Variants in CPXM2 observed in about 807,000 individuals in gnomAD.
CPXM2 encodes carboxypeptidase X, M14 family member 2.
In CPXM2, 66 loss-of-function variants were observed where a neutral mutation model predicts 86.1. The ratio of observed to expected loss-of-function variants is 0.77; its 90% CI spans 0.63 to 0.94. The LOEUF is 0.94. CPXM2 is among the 40% of genes least tolerant of loss of function. The probability of loss-of-function intolerance (pLI) is 0.00; values close to 1 mark genes in which losing one functional copy is unlikely to be tolerated. For synonymous variants in CPXM2, 388 were observed against 400.2 expected, an observed-to-expected ratio of 0.97 and a Z score of 0.36; for missense variants, 948 against 1,026.3, an observed-to-expected ratio of 0.92 and a Z score of 1.04.
intron 2 of CPXM2, among the ~76,000 whole-genome samples, chr10:123,899,034 G>A (rs972936352): frequency 1.3e-4 from 20 of 152,182 alleles, no homozygotes; most frequent in African/African-American, 4.1e-4. Context: ...ACAGGCACCC[G>A]CCACCGCACC....
chr10:123,780,118 T>C (rs1345842811), intron 7 of CPXM2, 49 bp downstream of exon 7: 2 of 1,203,288 alleles, frequency 1.7e-6, no homozygotes, highest in Non-Finnish European at 2.5e-6. Flanking sequence ...CATAATATGT[T>C]GCTTTTTTGA....
At chr10:123,781,255 C>T (rs1448549887) in intron 6 of CPXM2, among the ~76,000 whole-genome samples, 1 of 152,216 alleles carries the variant, frequency 6.6e-6, no homozygotes, top group Non-Finnish European at 1.5e-5. Flanking sequence ...GTCAGGGAGG[C>T]AATGTCTGCT....
At chr10:123,897,011 T>C (rs941507443) in intron 2 of CPXM2, among the ~76,000 whole-genome samples, 3 of 151,288 alleles carry the variant, frequency 2.0e-5, no homozygotes, top group African/African-American at 4.9e-5. Context: ...GATAGGAAGG[T>C]GAGGAGAAAG....
At chr10:123,801,280 C>G (rs1217568615) in intron 4 of CPXM2, among the ~76,000 whole-genome samples, 1 of 152,238 alleles carries the variant, frequency 6.6e-6, no homozygotes, top group Non-Finnish European at 1.5e-5. Context: ...TGCACACGCT[C>G]TCTTGCCTGC....
chr10:123,941,574 C>A (rs889641891), upstream of CPXM2, among the ~76,000 whole-genome samples: 2 of 152,216 alleles, frequency 1.3e-5, no homozygotes, highest in African/African-American at 4.8e-5. Flanking sequence ...AGGTTAGGAT[C>A]GCAACATACA....
At chr10:123,842,547 A>T in intron 3 of CPXM2, 59 bp from the exon 4 acceptor site, 2 of 1,554,498 alleles carry the variant, frequency 1.3e-6, no homozygotes, top group Non-Finnish European at 1.8e-6. Context: ...AAATTAAGAC[A>T]TATCTTTTCC....
At position 123,865,891 on chromosome 10, in the gene CPXM2, A is replaced by G. The variant is rs1848966415; in HGVS notation, c.404-3168T>C. Among the ~76,000 whole-genome samples the G allele has an allele frequency of 6.6e-6, 1 of 151,774 alleles. No homozygotes were observed. The highest frequency in any genetic ancestry group is 2.4e-5 in the African/African-American group (1 of 41,310). On this transcript the variant is annotated intron_variant, in intron 2 of 13. Coordinates refer to ENST00000241305, the MANE Select transcript of CPXM2 (RefSeq NM_198148.3). This position sits in a 1 kb window ranked among gnomAD's most constrained non-coding sequence, Gnocchi z 4.7. ...GGGATTTTTGCTCCTGACTCCATTCATTCACAGTGGCCCTGGTCACTTTGT... is the reference window on the plus strand; with the variant it reads ...GGGATTTTTGCTCCTGACTCCATTCGTTCACAGTGGCCCTGGTCACTTTGT...
rs148889875 is a variant in CPXM2, at chr10:123,746,878, G to A, written c.2157C>T (p.Ser719=). ...CTCGGATCCTGGCCATGTTGGTTTTGCTAAGTGTGAAGTCACACCTTGTGG... is the reference window on the plus strand; with the variant it reads ...CTCGGATCCTGGCCATGTTGGTTTTACTAAGTGTGAAGTCACACCTTGTGG... ...MGATRCDFTL[S]KTNMARIREI... Residue 719 remains serine, a synonymous_variant, in exon 14 of 14, where the codon AGC becomes AGT. Transcript: ENST00000241305. The A allele has an allele frequency of 4.3e-6, 7 of 1,614,126 alleles. No homozygotes were observed. In the South Asian group the frequency reaches 7.7e-5, roughly 18 times the overall value.
intron 2 of CPXM2, among the ~76,000 whole-genome samples, chr10:123,929,511 G>A (rs908535418): frequency 1.3e-5 from 2 of 152,222 alleles, no homozygotes; most frequent in South Asian, 2.1e-4. Flanking sequence ...ACAAGGCTAG[G>A]AGGAGGAAAG....
chr10:123,874,458 G>A (rs1944947906), intron 2 of CPXM2, among the ~76,000 whole-genome samples: 1 of 151,952 alleles, frequency 6.6e-6, no homozygotes, highest in South Asian at 2.1e-4. Context: ...ACATTCTGTG[G>A]GGACATGATC....
intron 2 of CPXM2, among the ~76,000 whole-genome samples, chr10:123,937,470 AACACACACACACACACACACAC>A (rs201368456): frequency 0.12 from 15,767 of 132,634 alleles, 1,379 homozygotes; most frequent in East Asian, 0.34. Flanking sequence ...ACAACAAAAC[AACACACACACACACACACACAC>A]ACACACACAC....
At chr10:123,804,934 C>A (rs1847546841) in intron 4 of CPXM2, among the ~76,000 whole-genome samples, 1 of 152,086 alleles carries the variant, frequency 6.6e-6, no homozygotes, top group South Asian at 2.1e-4. Flanking sequence ...ACTTATTCAG[C>A]TAGTCGACTG....
chr10:123,810,345 G>T (rs1847664411), intron 4 of CPXM2, among the ~76,000 whole-genome samples: 1 of 151,510 alleles, frequency 6.6e-6, no homozygotes, highest in African/African-American at 2.4e-5. Context: ...TTTTAAAAAG[G>T]CAACAAAAAT....
At chr10:123,888,511 T>C (rs1245013616) in intron 1 of CPXM2, among the ~76,000 whole-genome samples, 1 of 151,980 alleles carries the variant, frequency 6.6e-6, no homozygotes, top group African/African-American at 2.4e-5. Flanking sequence ...TCCAAAACAA[T>C]CCAATGCAGA....
At chr10:123,882,879 C>T (rs1423220937) in intron 1 of CPXM2, among the ~76,000 whole-genome samples, 1 of 150,810 alleles carries the variant, frequency 6.6e-6, no homozygotes, top group East Asian at 2.0e-4. Flanking sequence ...ACTACAACAC[C>T]ATGGCCCGGG....
upstream of CPXM2, among the ~76,000 whole-genome samples, chr10:123,895,815 T>TC (rs541904997): frequency 3.5e-3 from 527 of 152,142 alleles, 3 homozygotes; most frequent in African/African-American, 0.012. Flanking sequence ...CAGTTCAGAA[T>TC]CCCCCCCAGT....
chr10:123,867,984 A>G (rs1194262428), intron 2 of CPXM2, among the ~76,000 whole-genome samples: 3 of 152,244 alleles, frequency 2.0e-5, no homozygotes, highest in African/African-American at 7.2e-5. Flanking sequence ...CATGCGAGCC[A>G]CGTAAGAGAG....
intron 1 of CPXM2, among the ~76,000 whole-genome samples, chr10:123,884,311 A>AGATCTGCTGGGAG (rs1006174390): frequency 8.5e-5 from 13 of 152,334 alleles, no homozygotes; most frequent in African/African-American, 2.4e-4. Flanking sequence ...CAAACACACC[A>AGATCTGCTGGGAG]GATCTGCTGG....
At chr10:123,811,861 T>A (rs751719714) in intron 4 of CPXM2, among the ~76,000 whole-genome samples, 2 of 152,202 alleles carry the variant, frequency 1.3e-5, no homozygotes, top group African/African-American at 4.8e-5. Context: ...GTTACGGAAA[T>A]GCAAGTTTCT....
Sources: gnomAD v4.1 joint callset for allele counts (sites outside exome capture counted in the v4.1 genomes callset) on GRCh38, gnomAD v4.1.1 for gene constraint, Gnocchi (gnomAD v3.1) non-coding constraint, MANE v1.5 for transcripts, NCBI Gene and HGNC (gene_info 2026-07-23, HGNC 2026-07-21) for gene names.